WWOX: variants seen among roughly 807,000 people sequenced by gnomAD.
WWOX encodes the protein WW domain-containing oxidoreductase.
A neutral mutation model predicts 46.2 loss-of-function variants in WWOX; 69 were observed. The ratio of observed to expected loss-of-function variants is 1.49; its 90% CI spans 1.23 to 1.82. The LOEUF is 1.82. Among genes scored for constraint, WWOX ranks in the 40% most tolerant of loss-of-function variants. The pLI, the probability that WWOX is intolerant of heterozygous loss-of-function variation, is 0.00. For missense variants in WWOX, 919 were observed against 542.6 expected (o/e 1.69, Z -6.89); for synonymous variants, 359 against 202.6 (o/e 1.77, Z -6.56).
intron 8 of WWOX, among the ~76,000 whole-genome samples, chr16:78,625,841 T>C (rs2046299344): frequency 6.8e-6 from 1 of 147,854 alleles, no homozygotes; most frequent in African/African-American, 2.5e-5. Context: ...ATTGCGGTTT[T>C]TGCCGTTACT....
At chr16:78,554,227 C>A (rs761916761) in intron 8 of WWOX, among the ~76,000 whole-genome samples, 1 of 151,958 alleles carries the variant, frequency 6.6e-6, no homozygotes, top group Non-Finnish European at 1.5e-5. Flanking sequence ...TGCATGTGGA[C>A]ATGATGGAAA....
intron 8 of WWOX, among the ~76,000 whole-genome samples, chr16:78,471,482 G>A (rs924026166): frequency 1.3e-5 from 2 of 152,202 alleles, no homozygotes; most frequent in African/African-American, 4.8e-5. Context: ...GTTCTCCATC[G>A]TTTGGATCTT....
chr16:78,659,182 G>A (rs1228450665), intron 8 of WWOX, among the ~76,000 whole-genome samples: 1 of 151,946 alleles, frequency 6.6e-6, no homozygotes, highest in African/African-American at 2.4e-5. Context: ...CCCAGTATGA[G>A]CACGTGGTAT....
chr16:78,962,568 A>G (rs1026012572), intron 8 of WWOX, among the ~76,000 whole-genome samples: 1 of 152,166 alleles, frequency 6.6e-6, no homozygotes, highest in Non-Finnish European at 1.5e-5. Flanking sequence ...TGAATGCATC[A>G]GAAAGTGCCC....
chr16:78,945,569 C>G (rs1033841351), intron 8 of WWOX, among the ~76,000 whole-genome samples: 1 of 152,132 alleles, frequency 6.6e-6, no homozygotes, highest in African/African-American at 2.4e-5. Flanking sequence ...GCCTTTTAGT[C>G]TTTTGGTTTT....
intron 5 of WWOX, among the ~76,000 whole-genome samples, chr16:78,192,491 C>CAAAAAAAA (rs56109773): frequency 1.1e-5 from 1 of 87,516 alleles, no homozygotes; most frequent in African/African-American, 4.6e-5. Context: ...GACTCCGTCT[C>CAAAAAAAA]AAAAAAAAAA....
At chr16:78,240,566 T>C (rs1292686786) in intron 5 of WWOX, among the ~76,000 whole-genome samples, 2 of 152,134 alleles carry the variant, frequency 1.3e-5, no homozygotes, top group African/African-American at 4.8e-5. Flanking sequence ...GAGCTTGTGC[T>C]GATACGCTAG....
intron 8 of WWOX, among the ~76,000 whole-genome samples, chr16:79,129,563 A>C (rs1035602646): frequency 2.0e-5 from 3 of 151,862 alleles, no homozygotes; most frequent in Non-Finnish European, 4.4e-5. Flanking sequence ...ATGCTTAAAT[A>C]ATTAGGATTA....
intron 8 of WWOX, among the ~76,000 whole-genome samples, chr16:78,781,403 C>T (rs539598908): frequency 6.6e-6 from 1 of 152,110 alleles, no homozygotes; most frequent in East Asian, 1.9e-4. Context: ...TCTTACTACC[C>T]CCTCCCACCT....
chr16:78,781,312 G>T lies in WWOX; in HGVS notation c.1056+348560G>T, dbSNP rs1010035294. On this transcript the variant is annotated intron_variant, in intron 8 of 8. Coordinates refer to ENST00000566780, the MANE Select transcript of WWOX (RefSeq NM_016373.4). ...CTGCACCTCAATTTCTAAAAAGTTG[G>T]AAGGACAGGAAAGGGGAGCTGTGTT... Among the ~76,000 whole-genome samples, 5 of 152,226 alleles carry T rather than the reference G, an allele frequency of 3.3e-5. No individual in the cohort carries two copies. The South Asian group carries it at 8.3e-4, about 25-fold the overall frequency.
Position 78,528,165 on chromosome 16 carries a change from ATT to A in WWOX, c.1056+95434_1056+95435del, listed in dbSNP as rs56803717. ...AGGTGCCCGCCACCACACCTGGCTA[ATT>A]TTTTTTTTTTTTTTTTTTTTGCATT... is the stretch of plus-strand genomic sequence containing the variant. On this transcript the variant is annotated intron_variant, in intron 8 of 8. Coordinates refer to ENST00000566780, the MANE Select transcript of WWOX (RefSeq NM_016373.4). Among the ~76,000 whole-genome samples, 48 of 58,400 alleles carry A rather than the reference ATT, an allele frequency of 8.2e-4. 1 individual carries two copies. The highest frequency in any genetic ancestry group is 3.8e-3 in the African/African-American group (46 of 11,962). 38.3% of individuals were successfully genotyped at this position (58,400 alleles called of 152,430 possible).
chr16:78,660,309 C>G (rs1027480803), intron 8 of WWOX, among the ~76,000 whole-genome samples: 1 of 152,108 alleles, frequency 6.6e-6, no homozygotes, highest in Non-Finnish European at 1.5e-5. Context: ...ACTAAAGGTC[C>G]CTCTTCCCTG....
intron 8 of WWOX, among the ~76,000 whole-genome samples, chr16:78,951,686 G>A (rs77726857): frequency 6.6e-6 from 1 of 152,102 alleles, no homozygotes; most frequent in African/African-American, 2.4e-5. Context: ...TCAGGACTGC[G>A]GTTCTACCCA....
chr16:78,541,196 C>T (rs545028544), intron 8 of WWOX, among the ~76,000 whole-genome samples: 156 of 152,104 alleles, frequency 1.0e-3, no homozygotes, highest in Middle Eastern at 3.4e-3. Flanking sequence ...CACGTACGGC[C>T]GGGCGCGGTG....
At chr16:78,897,367 A>C (rs1027596681) in intron 8 of WWOX, 18 of 151,588 alleles carry the variant, frequency 1.2e-4, no homozygotes, top group Admixed American at 1.1e-3. Context: ...TTCTTGTTTC[A>C]ATCATTGTAA....
chr16:79,186,913 G>T (rs143121563), intron 8 of WWOX, among the ~76,000 whole-genome samples: 161 of 152,252 alleles, frequency 1.1e-3, no homozygotes, highest in African/African-American at 3.4e-3. Context: ...TGCAGTGAAT[G>T]TTCACTCCCA....
chr16:78,854,739 C>G (rs2052528383), intron 8 of WWOX, among the ~76,000 whole-genome samples: 1 of 151,914 alleles, frequency 6.6e-6, no homozygotes, highest in African/African-American at 2.4e-5. Context: ...TGCCACCACT[C>G]CCAGCTACTT....
At chr16:79,056,645 C>G (rs1380418530) in intron 8 of WWOX, among the ~76,000 whole-genome samples, 1 of 152,148 alleles carries the variant, frequency 6.6e-6, no homozygotes, top group East Asian at 1.9e-4. Context: ...CCTTCCCCCT[C>G]TTGTCACAAA....
rs528776875 is a variant in WWOX, at chr16:78,349,841, A to G, written c.517-37019A>G. Among the ~76,000 whole-genome samples the G allele has an allele frequency of 9.1e-5, 11 of 120,940 alleles. 1 individual carries two copies. The highest frequency in any genetic ancestry group is 1.8e-4 in the Non-Finnish European group (9 of 50,620). 79.3% of individuals were successfully genotyped at this position (120,940 alleles called of 152,430 possible). On this transcript the variant is annotated intron_variant, in intron 5 of 8. Transcript: ENST00000566780. ...GAAAACAATGACTCAACTTTGAGCT[A>G]TATTGATTTTGTATTTCTGGGCTCA...
Sources: allele counts gnomAD v4.1 joint callset (sites outside exome capture counted in the v4.1 genomes callset), GRCh38; gene constraint gnomAD v4.1.1; transcripts MANE v1.5; gene names NCBI Gene and HGNC (gene_info 2026-07-23, HGNC 2026-07-21).